The following CCDC178 variants were observed in gnomAD, a reference collection of about 807,000 sequenced individuals.
CCDC178 encodes coiled-coil domain containing 178.
In CCDC178, 126 loss-of-function variants were observed where a neutral mutation model predicts 117.4. The observed-to-expected ratio is 1.07, with a 90% CI of 0.93 to 1.24. The LOEUF (loss-of-function observed/expected upper bound fraction) is 1.24. Ranked by LOEUF, CCDC178 falls within the 50% of genes most tolerant of loss-of-function variation. The pLI, the probability that CCDC178 is intolerant of heterozygous loss-of-function variation, is 0.00. For missense variants in CCDC178, 1,030 were observed against 986.9 expected (o/e 1.04, Z -0.59); for synonymous variants, 283 against 313.4 (o/e 0.90, Z 1.02).
intron 12 of CCDC178, among the ~76,000 whole-genome samples, chr18:33,290,816 T>C (rs1460797146): frequency 1.3e-5 from 2 of 152,022 alleles, no homozygotes; most frequent in Non-Finnish European, 2.9e-5. Context: ...AAGCCTAATA[T>C]GGGACAGAGA....
chr18:33,004,489 A>G (rs1283702195), intron 21 of CCDC178, among the ~76,000 whole-genome samples: 1 of 152,154 alleles, frequency 6.6e-6, no homozygotes, highest in Non-Finnish European at 1.5e-5. Flanking sequence ...TCAAATCAGA[A>G]TGGATTAAAG....
intron 2 of CCDC178, among the ~76,000 whole-genome samples, chr18:33,415,563 A>AG: frequency 6.7e-6 from 1 of 148,990 alleles, no homozygotes; most frequent in Non-Finnish European, 1.5e-5. Context: ...GGGTGGGGGG[A>AG]TGGGGGATAG....
intron 5 of CCDC178, among the ~76,000 whole-genome samples, chr18:33,387,290 A>G (rs1403237453): frequency 6.6e-6 from 1 of 152,162 alleles, no homozygotes; most frequent in African/African-American, 2.4e-5. Context: ...TCCCAAAGCA[A>G]TTTATAGATT....
At chr18:33,099,374 C>A (rs73959104) in intron 20 of CCDC178, among the ~76,000 whole-genome samples, 1,620 of 152,074 alleles carry the variant, frequency 0.011, 29 homozygotes, top group African/African-American at 0.036. Context: ...TTCTGCCCTT[C>A]TCGAGCACTG....
intron 20 of CCDC178, among the ~76,000 whole-genome samples, chr18:33,187,357 G>C (rs115065032): frequency 6.6e-6 from 1 of 151,988 alleles, no homozygotes; most frequent in African/African-American, 2.4e-5. Flanking sequence ...ATCTTCATCT[G>C]TAGCCTCTTT....
chr18:33,261,126 C>T (rs2059743272), intron 14 of CCDC178, among the ~76,000 whole-genome samples: 1 of 152,094 alleles, frequency 6.6e-6, no homozygotes, highest in Non-Finnish European at 1.5e-5. Flanking sequence ...CTCTGTCGCC[C>T]AGGCTGGAGT....
chr18:33,161,976 T>C (rs2058470531), intron 20 of CCDC178, among the ~76,000 whole-genome samples: 1 of 152,168 alleles, frequency 6.6e-6, no homozygotes, highest in African/African-American at 2.4e-5. Flanking sequence ...TAGTTCTAGA[T>C]CCCTGGGGAA....
In CCDC178 at chr18:33,046,498, C is replaced by T. The variant is rs539201230; in HGVS notation, c.2388+46263G>A. Among the ~76,000 whole-genome samples, 17 of 150,936 alleles carry T rather than the reference C, an allele frequency of 1.1e-4. No homozygotes were observed. The East Asian group carries it at 2.5e-3, about 23-fold the overall frequency. On this transcript the variant is annotated intron_variant, in intron 21 of 22. Transcript: ENST00000383096. Reference sequence around the variant, plus strand: ...AGCATATACCTGTTAAAAATGAAAACGTTTACAAGACAAAGCTAAGTATAA... The same window carrying T: ...AGCATATACCTGTTAAAAATGAAAATGTTTACAAGACAAAGCTAAGTATAA...
intron 20 of CCDC178, among the ~76,000 whole-genome samples, chr18:33,125,878 A>C (rs1425937838): frequency 3.3e-5 from 5 of 152,142 alleles, no homozygotes; most frequent in African/African-American, 9.7e-5. Context: ...CGAGAACTGG[A>C]TGGGTAGTGG....
chr18:33,375,919 A>T (rs189315649), intron 5 of CCDC178, among the ~76,000 whole-genome samples: 11 of 152,316 alleles, frequency 7.2e-5, no homozygotes, highest in African/African-American at 2.6e-4. Flanking sequence ...GACCAAGGCA[A>T]ATTTCAGAAC....
At chr18:33,223,418 A>G (rs1252578867) in intron 17 of CCDC178, among the ~76,000 whole-genome samples, 199 bp from the exon 18 acceptor site, 1 of 152,176 alleles carries the variant, frequency 6.6e-6, no homozygotes, top group Non-Finnish European at 1.5e-5. Flanking sequence ...TATGTGAGAA[A>G]GCCAAAATCT....
Position 33,328,082 on chromosome 18 carries a change from G to GTTTTTTTTTTTTTTTTTTTTTTT in CCDC178, c.880-4450_880-4449insAAAAAAAAAAAAAAAAAAAAAAA, listed in dbSNP as rs2062609334. The GTTTTTTTTTTTTTTTTTTTTTTT allele has an allele frequency of 5.0e-5, 12 of 242,060 alleles. 4 individuals are homozygous for GTTTTTTTTTTTTTTTTTTTTTTT. Among genetic ancestry groups the GTTTTTTTTTTTTTTTTTTTTTTT allele is most frequent in the African/African-American group, 3.9e-4 (12 of 30,392 alleles). 15.0% of individuals were successfully genotyped at this position (242,060 alleles called of 1,614,324 possible). A position where few individuals can be genotyped will look rare whatever the true frequency, so the allele number is the denominator to read the frequency against. ...CCAAGGTCATAAAGATTTATCCCTA[G>GTTTTTTTTTTTTTTTTTTTTTTT]ATTTTTTTTTTTTTTTTTTTTTTTT... On this transcript the variant is annotated intron_variant, in intron 10 of 22. Transcript: ENST00000383096.
intron 15 of CCDC178, among the ~76,000 whole-genome samples, chr18:33,238,864 T>C (rs1599038292): frequency 6.6e-6 from 1 of 152,098 alleles, no homozygotes; most frequent in Middle Eastern, 3.4e-3. Context: ...ACAGAACAAA[T>C]TTAAAAAGAG....
chr18:33,394,852 G>A (rs1190292511), intron 4 of CCDC178, among the ~76,000 whole-genome samples: 1 of 147,570 alleles, frequency 6.8e-6, no homozygotes, highest in African/African-American at 2.5e-5. Flanking sequence ...AAATAATAGT[G>A]TATATAATTC....
At chr18:33,407,316 C>T (rs999220574) in intron 3 of CCDC178, among the ~76,000 whole-genome samples, 1 of 152,002 alleles carries the variant, frequency 6.6e-6, no homozygotes, top group Non-Finnish European at 1.5e-5. Flanking sequence ...TACAGCTTGA[C>T]ATAACTATAT....
chr18:33,126,997 A>AAAT (rs71266914), intron 20 of CCDC178, among the ~76,000 whole-genome samples: 126 of 141,172 alleles, frequency 8.9e-4, no homozygotes, highest in African/African-American at 2.8e-3. Context: ...AAAAAAAAAA[A>AAAT]ATATATATAT....
At position 32,955,066 on chromosome 18, in the gene CCDC178, C is replaced by A. The variant is rs78213369; in HGVS notation, c.2524-16975G>T. 2.4e-3 allele frequency among the ~76,000 whole-genome samples: 373 copies of A among 152,274 alleles called. 6 individuals carry two copies. The East Asian group carries it at 0.049, about 20-fold the overall frequency. On this transcript the variant is annotated intron_variant, in intron 22 of 22. Coordinates refer to ENST00000383096, the MANE Select transcript of CCDC178 (RefSeq NM_001105528.4). ...CTTAATCAATTTCCTCAGTTCCAGT[C>A]ATGAAACCTCTACTCCATTTCCATC...
chr18:33,264,364 T>G (rs1162711294), intron 14 of CCDC178, among the ~76,000 whole-genome samples: 2 of 152,090 alleles, frequency 1.3e-5, no homozygotes, highest in Non-Finnish European at 2.9e-5. Flanking sequence ...TAATCTTCTC[T>G]TCTTTAGGAA....
chr18:33,243,104 A>G (rs1295740502), intron 15 of CCDC178, among the ~76,000 whole-genome samples: 2 of 151,952 alleles, frequency 1.3e-5, no homozygotes, highest in African/African-American at 4.8e-5. Flanking sequence ...TTGCAGAAAC[A>G]TGGATGGAAC....
Sources: gnomAD v4.1 joint callset for allele counts (sites outside exome capture counted in the v4.1 genomes callset) on GRCh38, gnomAD v4.1.1 for gene constraint, MANE v1.5 for transcripts, NCBI Gene and HGNC (gene_info 2026-07-23, HGNC 2026-07-21) for gene names.